PRKCE: variants seen among roughly 807,000 people sequenced by gnomAD.
PRKCE encodes the protein protein kinase C epsilon type.
Under a neutral mutation model 85.4 loss-of-function variants are expected in PRKCE, and 16 were observed. The ratio of observed to expected loss-of-function variants is 0.19; its 90% confidence interval spans 0.13 to 0.28. The LOEUF (loss-of-function observed/expected upper bound fraction) is 0.28. Among genes scored for constraint, PRKCE ranks in the 10% least tolerant of loss-of-function variants. The pLI is 1.00. For missense variants in PRKCE, 573 were observed against 975.2 expected (o/e 0.59, Z 5.49); for synonymous variants, 388 against 371.5 (o/e 1.04, Z -0.51).
At chr2:45,808,429 C>T (rs1488072901) in intron 1 of PRKCE, among the ~76,000 whole-genome samples, 2 of 152,210 alleles carry the variant, frequency 1.3e-5, no homozygotes, top group African/African-American at 2.4e-5. Context: ...GTGTTATTCC[C>T]TAGATGCCCA....
intron 2 of PRKCE, among the ~76,000 whole-genome samples, chr2:45,881,368 A>G (rs1288227283): frequency 6.6e-6 from 1 of 152,178 alleles, no homozygotes; most frequent in Non-Finnish European, 1.5e-5. Context: ...CCAGGTGGAC[A>G]CATCTTAAAA....
At chr2:45,952,431 AC>A (rs1309645665) in intron 2 of PRKCE, among the ~76,000 whole-genome samples, 3 of 152,018 alleles carry the variant, frequency 2.0e-5, no homozygotes, top group Non-Finnish European at 4.4e-5. Context: ...CCAATAAAAC[AC>A]CCCTCCTTTT....
chr2:46,133,416 G>A (rs184964888), intron 11 of PRKCE, among the ~76,000 whole-genome samples: 3 of 152,186 alleles, frequency 2.0e-5, no homozygotes, highest in African/African-American at 7.2e-5. Flanking sequence ...TCTCCTTCTA[G>A]ACCCTAGACC....
chr2:45,687,404 A>C (rs1383225582), intron 1 of PRKCE, among the ~76,000 whole-genome samples: 1 of 152,254 alleles, frequency 6.6e-6, no homozygotes. Flanking sequence ...ATTAACTGTT[A>C]GAATGATAAA....
chr2:46,052,346 A>T (rs1282527920), intron 10 of PRKCE, among the ~76,000 whole-genome samples: 2 of 152,244 alleles, frequency 1.3e-5, no homozygotes, highest in East Asian at 3.8e-4. Context: ...AGTTCTTTAT[A>T]CTAGCAATGA....
In PRKCE at chr2:46,051,444, A is replaced by G. The variant is rs1028475996; in HGVS notation, c.1438-34764A>G. Among the ~76,000 whole-genome samples the G allele has an allele frequency of 1.2e-4, 18 of 152,208 alleles. 1 individual carries two copies. In the East Asian group the frequency reaches 3.3e-3, roughly 28 times the overall value. On this transcript the variant is annotated intron_variant, in intron 10 of 14. Transcript: ENST00000306156. ...GAGGAAACTGAGGTTCAAAGAAGTT[A>G]TATGGCACATGGCACAGCTGATCTC...
chr2:45,989,363 C>T (rs1181604608), intron 6 of PRKCE, among the ~76,000 whole-genome samples: 1 of 152,182 alleles, frequency 6.6e-6, no homozygotes, highest in African/African-American at 2.4e-5. Flanking sequence ...AGGGTGTCCC[C>T]TCCTCTCCAG....
At chr2:45,753,172 G>A (rs1403299790) in intron 1 of PRKCE, among the ~76,000 whole-genome samples, 1 of 152,130 alleles carries the variant, frequency 6.6e-6, no homozygotes, top group Non-Finnish European at 1.5e-5. Flanking sequence ...CCAGGGCAGT[G>A]AGCCTCAGAA....
chr2:46,014,827 C>T (rs1470416326), intron 10 of PRKCE, among the ~76,000 whole-genome samples: 7 of 152,294 alleles, frequency 4.6e-5, no homozygotes, highest in African/African-American at 1.7e-4. Context: ...GTGGCATTTG[C>T]AAGAGGGTAG....
chr2:45,983,844 G>A (rs894713097), intron 5 of PRKCE, among the ~76,000 whole-genome samples: 2 of 152,042 alleles, frequency 1.3e-5, no homozygotes, highest in African/African-American at 4.8e-5. Flanking sequence ...GAGTTTACAC[G>A]CTGCTGCACA....
chr2:45,741,216 C>A (rs1558618938), intron 1 of PRKCE, among the ~76,000 whole-genome samples: 1 of 152,134 alleles, frequency 6.6e-6, no homozygotes, highest in Non-Finnish European at 1.5e-5. Context: ...AGATCTGGAG[C>A]CAGGGTGGAC....
chr2:45,700,785 C>T (rs1222301631), intron 1 of PRKCE: 1 of 152,176 alleles, frequency 6.6e-6, no homozygotes, highest in East Asian at 1.9e-4. Flanking sequence ...CTGGGGTAGG[C>T]TCGGATCCAA....
At chr2:46,102,635 C>CT (rs1283410854) in intron 11 of PRKCE, among the ~76,000 whole-genome samples, 1 of 152,190 alleles carries the variant, frequency 6.6e-6, no homozygotes, top group Non-Finnish European at 1.5e-5. Context: ...TCCTTCAGCT[C>CT]TTCTTGGCTG....
At chr2:46,042,224 G>C (rs2105010731) in intron 10 of PRKCE, among the ~76,000 whole-genome samples, 1 of 152,290 alleles carries the variant, frequency 6.6e-6, no homozygotes, top group South Asian at 2.1e-4. Flanking sequence ...GCTGAGACAG[G>C]GAGTAACATC....
intron 1 of PRKCE, among the ~76,000 whole-genome samples, chr2:45,662,035 G>A (rs1419255895): frequency 6.6e-6 from 1 of 152,038 alleles, no homozygotes; most frequent in East Asian, 1.9e-4. Flanking sequence ...CCCCCCTTTA[G>A]CTCTCTGGGA....
chr2:46,182,949 C>T (rs981393935), intron 14 of PRKCE, among the ~76,000 whole-genome samples: 2 of 152,158 alleles, frequency 1.3e-5, no homozygotes, highest in African/African-American at 4.8e-5. Flanking sequence ...ACACTGAAGC[C>T]CAGACATGAG....
At chr2:45,993,609 G>C (rs560764412) in intron 6 of PRKCE, among the ~76,000 whole-genome samples, 10 of 152,338 alleles carry the variant, frequency 6.6e-5, no homozygotes, top group Non-Finnish European at 1.2e-4. Context: ...TAGTGGTCAA[G>C]TTATGTAGAC....
intron 1 of PRKCE, among the ~76,000 whole-genome samples, chr2:45,740,387 G>A (rs1477455704): frequency 6.6e-6 from 1 of 152,190 alleles, no homozygotes; most frequent in Admixed American, 6.5e-5. Context: ...TCTGTAGCAA[G>A]AATGATCCTT....
chr2:46,144,978 T>C, intron 11 of PRKCE, 115 bp from the exon 12 acceptor site: 1 of 1,480,950 alleles, frequency 6.8e-7, no homozygotes, highest in Non-Finnish European at 9.2e-7. Flanking sequence ...AACACAAGCT[T>C]CTTTCAGGAC....
Sources: gnomAD v4.1 joint callset for allele counts (sites outside exome capture counted in the v4.1 genomes callset) on GRCh38, gnomAD v4.1.1 for gene constraint, MANE v1.5 for transcripts, NCBI Gene and HGNC (gene_info 2026-07-23, HGNC 2026-07-21) for gene names.